TTC6: variants seen among roughly 807,000 people sequenced by gnomAD.
The protein encoded by TTC6 is tetratricopeptide repeat protein 6.
Under a neutral mutation model 210.4 loss-of-function variants are expected in TTC6, and 172 were observed. The ratio of observed to expected loss-of-function variants is 0.82; its 90% CI spans 0.72 to 0.93. TTC6 has a LOEUF of 0.93. Among genes scored for constraint, TTC6 ranks in the 40% least tolerant of loss-of-function variants. The probability of loss-of-function intolerance (pLI) is 0.00; values close to 1 mark genes in which losing one functional copy is unlikely to be tolerated. For synonymous variants in TTC6, 804 were observed against 819.6 expected, an observed-to-expected ratio of 0.98 and a Z score of 0.32; for missense variants, 2,414 against 2,318.1, an observed-to-expected ratio of 1.04 and a Z score of -0.85.
intron 6 of TTC6, among the ~76,000 whole-genome samples, chr14:37,722,496 T>C (rs2095863830): frequency 6.6e-6 from 1 of 152,160 alleles, no homozygotes; most frequent in Non-Finnish European, 1.5e-5. Flanking sequence ...TACAGGCACA[T>C]GCCATTACAC....
At chr14:37,609,715 T>C (rs773611453) in intron 2 of TTC6, among the ~76,000 whole-genome samples, 3 of 152,214 alleles carry the variant, frequency 2.0e-5, no homozygotes, top group Non-Finnish European at 4.4e-5. Context: ...TTGAACTATT[T>C]TTTCAGTTTA....
intron 28 of TTC6, among the ~76,000 whole-genome samples, chr14:37,826,693 C>G (rs2096172640): frequency 6.6e-6 from 1 of 151,956 alleles, no homozygotes; most frequent in South Asian, 2.1e-4. Context: ...ATGTAAATCC[C>G]CAGAATCTTC....
At chr14:37,641,312 G>T (rs2095691384) in intron 1 of TTC6, among the ~76,000 whole-genome samples, 1 of 152,146 alleles carries the variant, frequency 6.6e-6, no homozygotes, top group South Asian at 2.1e-4. Flanking sequence ...TACAGTGTTT[G>T]TTTTAAAGCA....
At chr14:37,833,577 G>A (rs2096191029) in intron 29 of TTC6, among the ~76,000 whole-genome samples, 1 of 152,028 alleles carries the variant, frequency 6.6e-6, no homozygotes, top group Non-Finnish European at 1.5e-5. Context: ...TCTTTTAATT[G>A]GGAAATTTAA....
At chr14:37,676,435 T>G (rs1308497054) in intron 1 of TTC6, among the ~76,000 whole-genome samples, 1 of 152,256 alleles carries the variant, frequency 6.6e-6, no homozygotes, top group East Asian at 1.9e-4. Context: ...TGTTAACTTC[T>G]AAGACTTCCT....
At chr14:37,732,542 TTA>T (rs912800912) in intron 7 of TTC6, among the ~76,000 whole-genome samples, 45 of 151,974 alleles carry the variant, frequency 3.0e-4, no homozygotes, top group African/African-American at 9.9e-4. Context: ...ATTAAGAAGA[TTA>T]TAAGGAAGAG....
chr14:37,814,413 A>G (rs1035999273), intron 25 of TTC6, among the ~76,000 whole-genome samples: 5 of 152,194 alleles, frequency 3.3e-5, no homozygotes, highest in Admixed American at 1.3e-4. Flanking sequence ...AAAATAAACT[A>G]AAATGGAATA....
chr14:37,714,294 G>T (rs951823230), intron 5 of TTC6, among the ~76,000 whole-genome samples: 1 of 152,096 alleles, frequency 6.6e-6, no homozygotes. Context: ...CCCCACCCAA[G>T]AAATGAAACT....
intron 10 of TTC6, among the ~76,000 whole-genome samples, chr14:37,739,989 C>T (rs2095913969): frequency 6.6e-6 from 1 of 151,770 alleles, no homozygotes. Context: ...CAGTGAAACC[C>T]CGTCTCTACT....
intron 15 of TTC6, 89 bp downstream of exon 17, chr14:37,787,726 C>T (rs1189301406): frequency 1.9e-6 from 2 of 1,077,274 alleles, no homozygotes; most frequent in South Asian, 5.4e-5. Context: ...TGTGGGTTCA[C>T]TAATGTAATA....
intron 3 of TTC6, among the ~76,000 whole-genome samples, chr14:37,690,657 A>G (rs1951649): frequency 1 from 151,621 of 152,220 alleles, 75,521 homozygotes; most frequent in Middle Eastern, 1. Flanking sequence ...AATCATAAAC[A>G]GGTCAATTCA....
intron 14 of TTC6, among the ~76,000 whole-genome samples, chr14:37,761,213 G>C (rs778059863): frequency 1.3e-5 from 2 of 151,948 alleles, no homozygotes; most frequent in Non-Finnish European, 2.9e-5. Flanking sequence ...ATCTAGGCTG[G>C]GTAGCATAGT....
At chr14:37,837,724 T>G (rs901550595) in intron 29 of TTC6, among the ~76,000 whole-genome samples, 28 of 152,320 alleles carry the variant, frequency 1.8e-4, no homozygotes, top group African/African-American at 6.3e-4. Context: ...ATGAGGAAAC[T>G]GATGCAAATA....
chr14:37,614,522 AT>A (rs1238545158), intron 2 of TTC6, among the ~76,000 whole-genome samples: 1 of 152,084 alleles, frequency 6.6e-6, no homozygotes, highest in East Asian at 1.9e-4. Context: ...GACATTTGAC[AT>A]TTCTCATCTT....
At chr14:37,610,434 G>C (rs1280264213) in intron 2 of TTC6, among the ~76,000 whole-genome samples, 1 of 152,140 alleles carries the variant, frequency 6.6e-6, no homozygotes, top group African/African-American at 2.4e-5. Flanking sequence ...AGAGGGGTTG[G>C]TACAGAGGAA....
At chr14:37,763,677 C>T (rs2095990867) in intron 14 of TTC6, among the ~76,000 whole-genome samples, 1 of 151,860 alleles carries the variant, frequency 6.6e-6, no homozygotes, top group Non-Finnish European at 1.5e-5. Flanking sequence ...TTCTTATTTT[C>T]GTAATTTGAG....
intron 7 of TTC6, among the ~76,000 whole-genome samples, chr14:37,731,586 A>G (rs1182890711): frequency 6.6e-6 from 1 of 152,140 alleles, no homozygotes; most frequent in Non-Finnish European, 1.5e-5. Context: ...TTTACTTTAT[A>G]TATTTTGGGG....
chr14:37,760,882 C>A (rs1234924306), intron 14 of TTC6, among the ~76,000 whole-genome samples: 1 of 152,176 alleles, frequency 6.6e-6, no homozygotes, highest in Admixed American at 6.5e-5. Context: ...GTTAGATCAT[C>A]CCAGGTCGAC....
At chr14:37,797,750 C>T (rs1364728823) in intron 20 of TTC6, among the ~76,000 whole-genome samples, 2 of 151,966 alleles carry the variant, frequency 1.3e-5, no homozygotes, top group East Asian at 3.9e-4. Flanking sequence ...TCAAGATATT[C>T]TTCCCTATTT....
Sources: allele counts gnomAD v4.1 joint callset (sites outside exome capture counted in the v4.1 genomes callset), GRCh38; gene constraint gnomAD v4.1.1; transcripts MANE v1.5; gene names NCBI Gene and HGNC (gene_info 2026-07-23, HGNC 2026-07-21).